DST: variants seen among roughly 807,000 people sequenced by gnomAD.
The protein encoded by DST is dystonin, also known as bullous pemphigoid antigen.
In DST, 253 loss-of-function variants were observed where a neutral mutation model predicts 875.2. The observed-to-expected ratio is 0.29, with a 90% CI of 0.26 to 0.32. DST has a LOEUF of 0.32. DST is among the 10% of genes least tolerant of loss of function. The pLI, the probability that DST is intolerant of heterozygous loss-of-function variation, is 1.00. For synonymous variants in DST, 3,124 were observed against 3,197.1 expected, an observed-to-expected ratio of 0.98 and a Z score of 0.77; for missense variants, 8,287 against 9,111.6, an observed-to-expected ratio of 0.91 and a Z score of 3.68.
At chr6:56,791,454 T>C (rs2099723356) in intron 4 of DST, among the ~76,000 whole-genome samples, 1 of 152,124 alleles carries the variant, frequency 6.6e-6, no homozygotes, top group African/African-American at 2.4e-5. Context: ...CAGTATCAAA[T>C]TTGAATAGCG....
chr6:56,482,548 G>T, intron 89 of DST, 135 bp downstream of exon 89: 2 of 819,974 alleles, frequency 2.4e-6, no homozygotes, highest in South Asian at 2.2e-5. Flanking sequence ...TCAAGGCAAT[G>T]TTGCTATTAG....
intron 10 of DST, among the ~76,000 whole-genome samples, chr6:56,665,083 T>G (rs2099065563): frequency 6.6e-6 from 1 of 152,214 alleles, no homozygotes; most frequent in Admixed American, 6.5e-5. Flanking sequence ...TAGGATAATG[T>G]GACATACTAA....
chr6:56,846,512 T>A (rs1235083117), intron 4 of DST, among the ~76,000 whole-genome samples: 2 of 152,206 alleles, frequency 1.3e-5, no homozygotes, highest in Non-Finnish European at 2.9e-5. Context: ...CAACTTACAA[T>A]ATCCTGTAGC....
chr6:56,891,234 C>T (rs1019143509), intron 3 of DST, among the ~76,000 whole-genome samples: 3 of 152,174 alleles, frequency 2.0e-5, no homozygotes, highest in African/African-American at 7.2e-5. Flanking sequence ...TCCAGTCTCT[C>T]AGACAACTGA....
Position 56,636,621 on chromosome 6 carries a change from C to T in DST, c.2996G>A (p.Ser999Asn), listed in dbSNP as rs2152770326. The change falls in exon 23 of 104, where the codon AGC becomes AAC. Residue 999 changes from serine to asparagine, a missense_variant. Transcript: ENST00000680361. ...ACACTGGCAGAGCTGTAAGATCCAG[C>T]TCCACTGCGTCTGCATTGCCGCTCT... ...AYRAAMQTQW[S>N]WILQLCQCVE... is the part of the protein sequence containing the mutation. The T allele has an allele frequency of 1.2e-6, 2 of 1,613,696 alleles. No homozygotes were observed. The highest frequency in any genetic ancestry group is 1.7e-6 in the Non-Finnish European group (2 of 1,179,984).
At chr6:56,683,941 A>G (rs1218136332) in intron 9 of DST, among the ~76,000 whole-genome samples, 2 of 152,238 alleles carry the variant, frequency 1.3e-5, no homozygotes, top group Non-Finnish European at 2.9e-5. Flanking sequence ...TACATCGTAT[A>G]TAGCTTCAAA....
intron 5 of DST, among the ~76,000 whole-genome samples, chr6:56,719,747 C>G (rs1383111075): frequency 6.6e-6 from 1 of 152,176 alleles, no homozygotes; most frequent in Non-Finnish European, 1.5e-5. Context: ...AATTTTAAAG[C>G]TGGGCGTCTG....
At chr6:56,645,181 T>C (rs2098935294) in intron 15 of DST, among the ~76,000 whole-genome samples, 1 of 152,170 alleles carries the variant, frequency 6.6e-6, no homozygotes, top group African/African-American at 2.4e-5. Context: ...CCCTGCAAGG[T>C]CTAGGTCCTA....
At chr6:56,506,253 C>T (rs957662235) in intron 77 of DST, among the ~76,000 whole-genome samples, 190 bp downstream of exon 77, 9 of 152,182 alleles carry the variant, frequency 5.9e-5, no homozygotes, top group Non-Finnish European at 1.0e-4. Flanking sequence ...TAAATCTACA[C>T]ATATCTGAAA....
intron 4 of DST, among the ~76,000 whole-genome samples, chr6:56,764,333 C>T (rs1259248955): frequency 6.6e-6 from 1 of 152,214 alleles, no homozygotes; most frequent in Non-Finnish European, 1.5e-5. Context: ...ATACCATATA[C>T]TATTCTGCTT....
At chr6:56,508,011 A>G (rs1306652814) in intron 75 of DST, among the ~76,000 whole-genome samples, 1 of 151,962 alleles carries the variant, frequency 6.6e-6, no homozygotes, top group Admixed American at 6.6e-5. Context: ...GGATAAAGAG[A>G]AATTTTTTGT....
chr6:56,952,040 T>G (rs559622347), intron 2 of DST, among the ~76,000 whole-genome samples: 2 of 151,986 alleles, frequency 1.3e-5, no homozygotes, highest in African/African-American at 4.8e-5. Context: ...CTGAGCCAAA[T>G]AGTGGGGATA....
chr6:56,802,690 C>G (rs1046858631), intron 4 of DST, among the ~76,000 whole-genome samples: 20 of 152,260 alleles, frequency 1.3e-4, no homozygotes, highest in African/African-American at 4.8e-4. Context: ...CCTTGCTTTA[C>G]ACACATTACA....
intron 4 of DST, among the ~76,000 whole-genome samples, chr6:56,794,969 T>C (rs776609521): frequency 9.2e-5 from 14 of 152,142 alleles, no homozygotes; most frequent in Middle Eastern, 3.4e-3. Flanking sequence ...ACCACACAGA[T>C]AGCGAGTCCA....
At chr6:56,581,569 C>T (rs929091475) in intron 49 of DST, among the ~76,000 whole-genome samples, 1 of 152,192 alleles carries the variant, frequency 6.6e-6, no homozygotes, top group Non-Finnish European at 1.5e-5. Context: ...GAAGCAGGAG[C>T]CATAGATACG....
intron 49 of DST, among the ~76,000 whole-genome samples, chr6:56,589,284 A>G (rs1248348622): frequency 6.6e-6 from 1 of 152,148 alleles, no homozygotes; most frequent in African/African-American, 2.4e-5. Flanking sequence ...TCAAAACATC[A>G]CATGCCTTTA....
At chr6:56,565,107 CTTTTCTTTTTTTT>C (rs1189782742) in intron 55 of DST, among the ~76,000 whole-genome samples, 33 of 145,918 alleles carry the variant, frequency 2.3e-4, no homozygotes, top group Admixed American at 5.4e-4. Context: ...CCCTCTTTCT[CTTTTCTTTTTTTT>C]TTTTCTTTTT....
Position 56,607,948 on chromosome 6 carries a change from T to A in DST, c.6680A>T (p.Asp2227Val), listed in dbSNP as rs1003757645. The A allele has an allele frequency of 3.7e-6, 6 of 1,613,572 alleles. No individual in the cohort carries two copies. The African/African-American group carries it at 6.7e-5, about 18-fold the overall frequency. Residue 2227 changes from aspartate to valine, a missense_variant, in exon 40 of 104, where the codon GAT becomes GTT. Physicochemically the swap from Asp to Val is radical, Grantham distance 152. Coordinates refer to ENST00000680361, the MANE Select transcript of DST (RefSeq NM_001374736.1). ...QRLLLYDGDL[D>V]EAVGMLLEGC... is the part of the protein sequence containing the mutation. ...TTCCAGTAGCATGCCAACAGCCTCA[T>A]CCAAGTCTCCATCGTACAGCAAAAG...
Position 56,605,754 on chromosome 6 carries a change from G to A in DST, c.8874C>T (p.Asn2958=). 6.2e-7 allele frequency: 1 copy of A among 1,612,678 alleles called. No individual in the cohort carries two copies. Among genetic ancestry groups the A allele is most frequent in the Non-Finnish European group, 8.5e-7 (1 of 1,179,294 alleles). ...STSELGTDLA[N]TKVKLIQGSE... ...ACCCTTGAATCAACTTAACCTTTGTGTTTGCTAGATCAGTACCTAATTCAG... is the reference window on the plus strand; with the variant it reads ...ACCCTTGAATCAACTTAACCTTTGTATTTGCTAGATCAGTACCTAATTCAG... Residue 2958 remains asparagine (N), a synonymous_variant, in exon 40 of 104, where the codon AAC becomes AAT. Coordinates refer to ENST00000680361, the MANE Select transcript of DST (RefSeq NM_001374736.1).
Sources: gnomAD v4.1 joint callset for allele counts (sites outside exome capture counted in the v4.1 genomes callset) on GRCh38, gnomAD v4.1.1 for gene constraint, MANE v1.5 for transcripts, NCBI Gene and HGNC (gene_info 2026-07-23, HGNC 2026-07-21) for gene names.